TRAK1: variants seen among roughly 807,000 people sequenced by gnomAD.
TRAK1 encodes trafficking kinesin-binding protein 1.
A neutral mutation model predicts 92.1 loss-of-function variants in TRAK1; 33 were observed. The observed-to-expected ratio is 0.36, with a 90% CI of 0.27 to 0.48. The LOEUF is 0.48. Among genes scored for constraint, TRAK1 ranks in the 20% least tolerant of loss-of-function variants. The pLI is 0.99. For synonymous variants in TRAK1, 521 were observed against 517.3 expected (o/e 1.01, Z -0.10); for missense variants, 1,123 against 1,257.9 (o/e 0.89, Z 1.62).
intron 1 of TRAK1, among the ~76,000 whole-genome samples, chr3:42,072,121 G>T (rs1486563094): frequency 6.6e-6 from 1 of 152,214 alleles, no homozygotes; most frequent in African/African-American, 2.4e-5. Flanking sequence ...CCCTTGGCTG[G>T]CAGTATTAAG....
chr3:42,075,415 C>G (rs1656512169), intron 1 of TRAK1, among the ~76,000 whole-genome samples: 1 of 150,470 alleles, frequency 6.6e-6, no homozygotes, highest in African/African-American at 2.5e-5. Flanking sequence ...CTCCTGGGCT[C>G]AAGTGCTATT....
intron 13 of TRAK1, among the ~76,000 whole-genome samples, chr3:42,207,378 CT>C (rs1019593514): frequency 6.6e-6 from 1 of 152,152 alleles, no homozygotes; most frequent in African/African-American, 2.4e-5. Context: ...GGAAATTCTG[CT>C]GCTGACCATT....
intron 14 of TRAK1, chr3:42,210,715 G>A: frequency 3.0e-6 from 3 of 986,842 alleles, no homozygotes; most frequent in South Asian, 4.7e-5. Flanking sequence ...GCTTACACAT[G>A]TGTTCAAAGT....
intron 1 of TRAK1, among the ~76,000 whole-genome samples, chr3:42,025,975 C>T (rs1701899054): frequency 6.6e-6 from 1 of 151,866 alleles, no homozygotes; most frequent in Non-Finnish European, 1.5e-5. Flanking sequence ...TCTTTTCTTT[C>T]TTCCTCTGTC....
At chr3:42,104,399 A>AAGTGGGT (rs1388606740) in intron 1 of TRAK1, among the ~76,000 whole-genome samples, 1 of 152,000 alleles carries the variant, frequency 6.6e-6, no homozygotes, top group African/African-American at 2.4e-5. Flanking sequence ...CTGCTTCCTC[A>AAGTGGGT]AGTGGGTCCC....
chr3:42,146,876 C>A (rs903436417), intron 2 of TRAK1, among the ~76,000 whole-genome samples: 10 of 152,202 alleles, frequency 6.6e-5, no homozygotes, highest in African/African-American at 2.2e-4. Flanking sequence ...TTTATTAAAT[C>A]ATTTTGCAAA....
chr3:42,057,472 C>T (rs1456260981), intron 1 of TRAK1, among the ~76,000 whole-genome samples: 1 of 152,116 alleles, frequency 6.6e-6, no homozygotes, highest in Non-Finnish European at 1.5e-5. Flanking sequence ...TCCTTTGCAG[C>T]ATGCTGGAGT....
intron 1 of TRAK1, among the ~76,000 whole-genome samples, chr3:42,034,660 C>T (rs980426888): frequency 5.3e-5 from 8 of 152,172 alleles, no homozygotes; most frequent in Admixed American, 1.3e-4. Context: ...CCGTGTCTTT[C>T]TCAAACGCTG....
At chr3:42,180,837 AC>A (rs1448395714) in intron 3 of TRAK1, among the ~76,000 whole-genome samples, 1 of 152,074 alleles carries the variant, frequency 6.6e-6, no homozygotes, top group Non-Finnish European at 1.5e-5. Context: ...AATTGTAACC[AC>A]CCTATTGTGC....
chr3:42,031,365 A>G (rs1200776448), intron 1 of TRAK1, among the ~76,000 whole-genome samples: 2 of 151,554 alleles, frequency 1.3e-5, no homozygotes, highest in Non-Finnish European at 2.9e-5. Flanking sequence ...AAGTTTTCCA[A>G]AGATTCCTGA....
chr3:42,022,833 A>T (rs894434999), intron 1 of TRAK1, among the ~76,000 whole-genome samples: 1 of 152,150 alleles, frequency 6.6e-6, no homozygotes, highest in Non-Finnish European at 1.5e-5. Flanking sequence ...ATGGTATAGT[A>T]GAAGTGATAC....
intron 1 of TRAK1, among the ~76,000 whole-genome samples, chr3:42,068,486 A>G (rs547329645): frequency 1.2e-4 from 18 of 152,204 alleles, no homozygotes; most frequent in Non-Finnish European, 1.9e-4. Flanking sequence ...TTAAGAGAAA[A>G]GAGTTGGGTT....
At chr3:42,099,514 C>T (rs992466679) in intron 1 of TRAK1, among the ~76,000 whole-genome samples, 1 of 152,132 alleles carries the variant, frequency 6.6e-6, no homozygotes, top group African/African-American at 2.4e-5. Context: ...CGAACTGAAC[C>T]TTCTTAGTGG....
At position 42,223,208 on chromosome 3, in the gene TRAK1, T is replaced by G. The variant is rs1045311520; in HGVS notation, c.2333T>G (p.Ile778Ser). Reference protein sequence around the residue: ...LHSYTPKMAVIPSTPPNSPMQ... With the variant: ...LHSYTPKMAVSPSTPPNSPMQ... The stretch of plus-strand genomic sequence containing the variant: ...TCCTACACGCCCAAGATGGCTGTGA[T>G]CCCCTCTACTCCGCCGAACTCGCCT... The change falls in exon 16 of 16, where the codon ATC becomes AGC. Residue 778 changes from isoleucine (I) to serine (S), a missense_variant. Around this residue, in one of 3 missense-constraint regions of TRAK1, gnomAD observed 401 missense variants for 438.9 expected, o/e 0.91. Coordinates refer to ENST00000327628, the MANE Select transcript of TRAK1 (RefSeq NM_001042646.3). This position sits in a 1 kb window ranked among gnomAD's most constrained non-coding sequence, Gnocchi z 6.1. 6.2e-7 allele frequency: 1 copy of G among 1,614,012 alleles called. No individual in the cohort carries two copies. Among genetic ancestry groups the G allele is most frequent in the Non-Finnish European group, 8.5e-7 (1 of 1,179,982 alleles).
At chr3:42,201,386 G>C (rs1255980034) in intron 12 of TRAK1, among the ~76,000 whole-genome samples, 1 of 152,046 alleles carries the variant, frequency 6.6e-6, no homozygotes, top group Non-Finnish European at 1.5e-5. Flanking sequence ...CTTGAACCCG[G>C]GAGGTGGAGG....
At chr3:42,030,856 G>T (rs1009647999) in intron 1 of TRAK1, among the ~76,000 whole-genome samples, 7 of 151,208 alleles carry the variant, frequency 4.6e-5, no homozygotes, top group African/African-American at 1.7e-4. Context: ...TGAAGAAGGA[G>T]AATGTTCTTT....
intron 10 of TRAK1, among the ~76,000 whole-genome samples, chr3:42,197,943 C>T (rs182392558): frequency 7.2e-5 from 11 of 152,326 alleles, no homozygotes; most frequent in African/African-American, 2.2e-4. Context: ...AATATAATTA[C>T]GAATTCAGGT....
chr3:42,089,144 T>A (rs1704845284), upstream of TRAK1, among the ~76,000 whole-genome samples: 1 of 152,218 alleles, frequency 6.6e-6, no homozygotes, highest in South Asian at 2.1e-4. Flanking sequence ...AAATGGTGCT[T>A]TCATTATTCT....
At position 42,064,174 on chromosome 3, in the gene TRAK1, C is replaced by T. The variant is rs551862989; in HGVS notation, c.-518-22930C>T. On this transcript the variant is annotated intron_variant, in intron 1 of 16. Coordinates refer to the TRAK1 transcript ENST00000487159. ...ATGATACATCACAAAAATGCGAATGCTCGCAGCCAGGCGGGCGCTGTGGCT... is the reference window on the plus strand; with the variant it reads ...ATGATACATCACAAAAATGCGAATGTTCGCAGCCAGGCGGGCGCTGTGGCT... Among the ~76,000 whole-genome samples the T allele has an allele frequency of 4.1e-4, 63 of 152,246 alleles. 1 individual carries two copies. In the South Asian group the frequency reaches 8.5e-3, roughly 21 times the overall value.
Sources: allele counts gnomAD v4.1 joint callset (sites outside exome capture counted in the v4.1 genomes callset), GRCh38; gene constraint gnomAD v4.1.1; regional missense constraint gnomAD v4.1.1; non-coding constraint Gnocchi (gnomAD v3.1); transcripts MANE v1.5; gene names NCBI Gene and HGNC (gene_info 2026-07-23, HGNC 2026-07-21).